Variants in GLIS3 observed in about 807,000 individuals in gnomAD.
The protein encoded by GLIS3 is zinc finger protein GLIS3.
In GLIS3, 53 loss-of-function variants were observed where a neutral mutation model predicts 78.6. The ratio of observed to expected loss-of-function variants is 0.67; its 90% confidence interval spans 0.54 to 0.85. GLIS3 has a LOEUF of 0.85. Ranked by LOEUF, GLIS3 falls within the 40% of genes least tolerant of loss-of-function variation. The probability of loss-of-function intolerance (pLI) is 0.00; values close to 1 mark genes in which losing one functional copy is unlikely to be tolerated. For synonymous variants in GLIS3, 684 were observed against 509.9 expected (o/e 1.34, Z -4.60); for missense variants, 1,703 against 1,231.1 (o/e 1.38, Z -5.74).
chr9:4,418,648 G>A, the GLIS3 span, among the ~76,000 whole-genome samples: 5 of 152,104 alleles, frequency 3.3e-5, no homozygotes, highest in South Asian at 2.1e-4. Flanking sequence ...GCAGTGAGCC[G>A]AGATCACGCC....
intron 2 of GLIS3, among the ~76,000 whole-genome samples, chr9:4,312,057 A>G (rs1357469119): frequency 6.6e-6 from 1 of 152,244 alleles, no homozygotes; most frequent in East Asian, 1.9e-4. Context: ...TCTGGGTCAC[A>G]AAACAATTTG....
At chr9:4,011,963 C>A (rs115041101) in intron 4 of GLIS3, among the ~76,000 whole-genome samples, 235 of 152,216 alleles carry the variant, frequency 1.5e-3, no homozygotes, top group African/African-American at 5.4e-3. Flanking sequence ...CATCAGAAGT[C>A]AGAAAGGTGA....
chr9:4,046,483 G>C (rs1323446526), intron 4 of GLIS3, among the ~76,000 whole-genome samples: 1 of 152,140 alleles, frequency 6.6e-6, no homozygotes, highest in African/African-American at 2.4e-5. Flanking sequence ...CATGACTTAA[G>C]CAGCAGCACA....
At chr9:4,479,944 G>A in the GLIS3 span, among the ~76,000 whole-genome samples, 1 of 123,906 alleles carries the variant, frequency 8.1e-6, no homozygotes, top group African/African-American at 3.0e-5. Flanking sequence ...CAGTAGAGAT[G>A]GGTTTTCGCC....
intron 2 of GLIS3, among the ~76,000 whole-genome samples, chr9:4,156,550 G>C (rs973557310): frequency 3.9e-5 from 6 of 152,216 alleles, no homozygotes; most frequent in African/African-American, 1.4e-4. Context: ...CAAGGACAAA[G>C]TGTATTTGGT....
chr9:4,248,779 T>C (rs758596929), intron 2 of GLIS3, among the ~76,000 whole-genome samples: 1 of 152,224 alleles, frequency 6.6e-6, no homozygotes, highest in East Asian at 1.9e-4. Flanking sequence ...ATGACCGCCA[T>C]TCCAACTGGC....
chr9:3,918,407 C>T (rs961549573), intron 6 of GLIS3, among the ~76,000 whole-genome samples: 2 of 152,130 alleles, frequency 1.3e-5, no homozygotes, highest in African/African-American at 4.8e-5. Context: ...CCCTCCTGAT[C>T]AAAAGGCAAG....
At chr9:4,341,436 T>C (rs1255489623) in intron 2 of GLIS3, among the ~76,000 whole-genome samples, 2 of 152,236 alleles carry the variant, frequency 1.3e-5, no homozygotes, top group Non-Finnish European at 2.9e-5. Context: ...AAACTCACCA[T>C]TGTGAAGACT....
chr9:4,119,443 T>C lies in GLIS3; in HGVS notation c.597-562A>G, dbSNP rs118120840. 8.9e-4 allele frequency among the ~76,000 whole-genome samples: 135 copies of C among 152,326 alleles called. 2 individuals are homozygous for C. The East Asian group carries it at 0.024, about 27-fold the overall frequency. On this transcript the variant is annotated intron_variant, in intron 3 of 10. Transcript: ENST00000381971. ...ATTTCACAATTTAGTTTCACTGATA[T>C]TAAGGAATTACTCTGATTTTTTTAA...
intron 2 of GLIS3, among the ~76,000 whole-genome samples, chr9:4,276,857 G>T (rs1339635516): frequency 6.6e-6 from 1 of 152,110 alleles, no homozygotes; most frequent in African/African-American, 2.4e-5. Context: ...CACCTGACTT[G>T]TTGGCAAGAC....
the GLIS3 span, among the ~76,000 whole-genome samples, chr9:4,456,882 T>G: frequency 6.6e-6 from 1 of 152,148 alleles, no homozygotes; most frequent in Non-Finnish European, 1.5e-5. Flanking sequence ...CCCAAAACAA[T>G]TGCAATACTA....
At chr9:4,403,612 A>G in the GLIS3 span, among the ~76,000 whole-genome samples, 1 of 152,254 alleles carries the variant, frequency 6.6e-6, no homozygotes, top group Non-Finnish European at 1.5e-5. Flanking sequence ...TTCTTTTTGC[A>G]TGTTTATTTG....
At chr9:4,108,654 C>A (rs2130833500) in intron 4 of GLIS3, among the ~76,000 whole-genome samples, 2 of 152,210 alleles carry the variant, frequency 1.3e-5, no homozygotes, top group East Asian at 3.9e-4. Context: ...TATATCTCAC[C>A]AAAAACACAA....
chr9:4,310,475 C>G (rs1817331778), exon 3 of GLIS3: 2 of 152,246 alleles, frequency 1.3e-5, no homozygotes, highest in African/African-American at 4.8e-5. Context: ...TCTTCCTGCT[C>G]TCCACCTGGT....
the GLIS3 span, among the ~76,000 whole-genome samples, chr9:4,385,998 A>T: frequency 6.6e-6 from 1 of 152,162 alleles, no homozygotes; most frequent in Admixed American, 6.5e-5. Context: ...CCCTATTCCC[A>T]TCTATTTATG....
At chr9:4,303,813 A>G (rs1222740661), upstream of GLIS3, among the ~76,000 whole-genome samples, 1 of 152,246 alleles carries the variant, frequency 6.6e-6, no homozygotes, top group African/African-American at 2.4e-5. Flanking sequence ...TTACTTAGGT[A>G]TATCTACAAA....
intron 4 of GLIS3, among the ~76,000 whole-genome samples, chr9:3,976,705 C>T (rs1425990543): frequency 2.1e-5 from 3 of 145,774 alleles, no homozygotes; most frequent in African/African-American, 5.1e-5. Context: ...AAATAGGACA[C>T]ACCCATTTAC....
the GLIS3 span, among the ~76,000 whole-genome samples, chr9:4,445,761 A>G: frequency 2.6e-5 from 4 of 152,244 alleles, no homozygotes; most frequent in Non-Finnish European, 5.9e-5. Context: ...CTTTCCATGC[A>G]GATGTCCGAA....
At chr9:3,991,211 T>A (rs1414655376) in intron 4 of GLIS3, among the ~76,000 whole-genome samples, 2 of 152,108 alleles carry the variant, frequency 1.3e-5, no homozygotes, top group Non-Finnish European at 2.9e-5. Flanking sequence ...GGAAGGCACT[T>A]TACTGAGATG....
Sources: gnomAD v4.1 joint callset for allele counts (sites outside exome capture counted in the v4.1 genomes callset) on GRCh38, gnomAD v4.1.1 for gene constraint, MANE v1.5 for transcripts, NCBI Gene and HGNC (gene_info 2026-07-23, HGNC 2026-07-21) for gene names.